Variants in JARID2 observed in about 807,000 individuals in gnomAD.
The protein encoded by JARID2 is jumonji and AT-rich interaction domain containing 2.
Under a neutral mutation model 125.6 loss-of-function variants are expected in JARID2, and 21 were observed. That is an observed-to-expected ratio of 0.17 (90% CI 0.12 to 0.24). The LOEUF is 0.24. Ranked by LOEUF, JARID2 falls within the 10% of genes least tolerant of loss-of-function variation. The probability of loss-of-function intolerance (pLI) is 1.00; values close to 1 mark genes in which losing one functional copy is unlikely to be tolerated. For synonymous variants in JARID2, 736 were observed against 661.6 expected (o/e 1.11, Z -1.73); for missense variants, 1,303 against 1,639.6 (o/e 0.79, Z 3.55).
chr6:15,249,391 G>C (rs1353017511), intron 1 of JARID2, among the ~76,000 whole-genome samples: 1 of 152,120 alleles, frequency 6.6e-6, no homozygotes, highest in Admixed American at 6.5e-5. Context: ...ATTTTGGGGG[G>C]CTGGACCAAA....
chr6:15,292,565 C>G (rs1404545976), intron 1 of JARID2, among the ~76,000 whole-genome samples: 4 of 152,150 alleles, frequency 2.6e-5, no homozygotes, highest in African/African-American at 9.6e-5. Flanking sequence ...CTCCTGAGTC[C>G]CGGTGAGGCT....
At chr6:15,399,528 T>C (rs1765345091) in intron 2 of JARID2, among the ~76,000 whole-genome samples, 1 of 152,174 alleles carries the variant, frequency 6.6e-6, no homozygotes. Flanking sequence ...TGTATATATA[T>C]ATTTATGTTT....
chr6:15,406,433 A>AG (rs1765653118), intron 2 of JARID2, among the ~76,000 whole-genome samples: 1 of 152,180 alleles, frequency 6.6e-6, no homozygotes, highest in Non-Finnish European at 1.5e-5. Flanking sequence ...ACTCTGTCTC[A>AG]AGGTCGGGGG....
chr6:15,374,030 A>G (rs1403566179), intron 1 of JARID2, 87 bp from the exon 2 acceptor site: 5 of 1,502,992 alleles, frequency 3.3e-6, no homozygotes, highest in Non-Finnish European at 4.5e-6. Flanking sequence ...CGTGTTCGGA[A>G]ATTCCTTTAA....
At chr6:15,495,085 G>T (rs1296618048) in intron 6 of JARID2, among the ~76,000 whole-genome samples, 1 of 152,208 alleles carries the variant, frequency 6.6e-6, no homozygotes, top group African/African-American at 2.4e-5. Flanking sequence ...TGCCCAAGGT[G>T]TTAAGTGATG....
intron 1 of JARID2, among the ~76,000 whole-genome samples, chr6:15,257,292 TAAG>T (rs1397128494): frequency 1.3e-5 from 2 of 152,226 alleles, no homozygotes; most frequent in Admixed American, 6.5e-5. Flanking sequence ...TTTTGCTTAA[TAAG>T]AAGTGATTCA....
chr6:15,440,938 C>T (rs537155625), intron 3 of JARID2, among the ~76,000 whole-genome samples: 9 of 152,134 alleles, frequency 5.9e-5, no homozygotes, highest in African/African-American at 1.4e-4. Flanking sequence ...GACTTCACTC[C>T]GCATTTTTGT....
chr6:15,357,836 C>T (rs150200894), intron 1 of JARID2, among the ~76,000 whole-genome samples: 2 of 152,302 alleles, frequency 1.3e-5, no homozygotes, highest in African/African-American at 2.4e-5. Flanking sequence ...CAGCCCTCTG[C>T]AGACCCACGG....
chr6:15,315,012 G>A (rs1248826709), intron 1 of JARID2: 2 of 152,102 alleles, frequency 1.3e-5, no homozygotes, highest in Admixed American at 1.3e-4. Context: ...AATTTGTGAA[G>A]CATTCCATAT....
intron 7 of JARID2, among the ~76,000 whole-genome samples, chr6:15,497,374 T>C (rs911450998): frequency 1.3e-5 from 2 of 152,190 alleles, no homozygotes; most frequent in African/African-American, 4.8e-5. Context: ...AAGAATGGTA[T>C]TGAGCTGCCG....
chr6:15,248,877 A>T (rs1759315799), intron 1 of JARID2: 2 of 983,418 alleles, frequency 2.0e-6, no homozygotes, highest in Admixed American at 1.2e-4. Context: ...GGGCTGCCGC[A>T]GAGCCGGGCT....
intron 1 of JARID2, among the ~76,000 whole-genome samples, chr6:15,356,055 C>T (rs994536985): frequency 2.0e-5 from 3 of 152,288 alleles, no homozygotes; most frequent in East Asian, 3.9e-4. Context: ...CTGGAGACTT[C>T]GTAGCAATGG....
intron 1 of JARID2, among the ~76,000 whole-genome samples, chr6:15,251,475 C>T (rs184498897): frequency 1.3e-5 from 2 of 152,326 alleles, no homozygotes; most frequent in Admixed American, 6.5e-5. Context: ...CTACTAACCA[C>T]CTTTTGTCTA....
chr6:15,256,024 C>T (rs1490613851), intron 1 of JARID2, among the ~76,000 whole-genome samples: 1 of 152,150 alleles, frequency 6.6e-6, no homozygotes, highest in Non-Finnish European at 1.5e-5. Flanking sequence ...ATTTCCTCAT[C>T]TGGACAACTT....
chr6:15,435,035 T>C (rs1227180058), intron 3 of JARID2, among the ~76,000 whole-genome samples: 2 of 152,236 alleles, frequency 1.3e-5, no homozygotes, highest in Non-Finnish European at 2.9e-5. Context: ...TCAGTGGTAG[T>C]TTCAGTGTTC....
chr6:15,469,408 CTCTCCGCT>C lies in JARID2; in HGVS notation c.670+700_670+707del, dbSNP rs1171970440. On this transcript the variant is annotated intron_variant, in intron 5 of 17. Transcript: ENST00000341776. ...CCTCTCCCCCTTTCCCCCTCTCCCC[CTCTCCGCT>C]TCTCCGCTTTTCCTTTCTTTCCTTT... is the stretch of plus-strand genomic sequence containing the variant. 3.5e-4 allele frequency among the ~76,000 whole-genome samples: 37 copies of C among 107,046 alleles called. 1 individual carries two copies. The highest frequency in any genetic ancestry group is 1.3e-3 in the South Asian group (3 of 2,328). 70.2% of individuals were successfully genotyped at this position (107,046 alleles called of 152,430 possible).
chr6:15,303,388 G>C (rs967990016), intron 1 of JARID2, among the ~76,000 whole-genome samples: 7 of 152,240 alleles, frequency 4.6e-5, no homozygotes, highest in African/African-American at 1.7e-4. Flanking sequence ...GCTTTGCCTT[G>C]AGTAGCAAGG....
intron 3 of JARID2, among the ~76,000 whole-genome samples, chr6:15,417,437 A>G (rs1346189860): frequency 6.6e-6 from 1 of 152,216 alleles, no homozygotes; most frequent in Non-Finnish European, 1.5e-5. Context: ...TTAATTCTTG[A>G]AGAGAATTTT....
chr6:15,337,993 C>T (rs1377346525), intron 1 of JARID2, among the ~76,000 whole-genome samples: 3 of 152,158 alleles, frequency 2.0e-5, no homozygotes, highest in African/African-American at 7.2e-5. Context: ...CCAACCAAAT[C>T]CTCCACCTCA....
Sources: allele counts gnomAD v4.1 joint callset (sites outside exome capture counted in the v4.1 genomes callset), GRCh38; gene constraint gnomAD v4.1.1; transcripts MANE v1.5; gene names NCBI Gene and HGNC (gene_info 2026-07-23, HGNC 2026-07-21).